The following SS18 variants were observed in gnomAD, a reference collection of about 807,000 sequenced individuals.
The protein encoded by SS18 is protein SSXT.
Under a neutral mutation model 72.5 loss-of-function variants are expected in SS18, and 28 were observed. That is an observed-to-expected ratio of 0.39 (90% CI 0.29 to 0.53). The LOEUF is 0.53. SS18 is among the 20% of genes least tolerant of loss of function. The pLI is 0.76. For missense variants in SS18, 518 were observed against 535.3 expected (o/e 0.97, Z 0.32); for synonymous variants, 172 against 164.2 (o/e 1.05, Z -0.37).
At chr18:26,082,559 G>A in intron 2 of SS18, 1 of 956,402 alleles carries the variant, frequency 1.0e-6, no homozygotes, top group Non-Finnish European at 1.2e-6. Context: ...AATGATTTAA[G>A]CAAACATAGG....
chr18:26,090,420 T>C, intron 1 of SS18, 81 bp downstream of exon 1: 2 of 1,433,780 alleles, frequency 1.4e-6, no homozygotes, highest in South Asian at 1.2e-5. Flanking sequence ...CCCGGTCGAC[T>C]CCGGGCCCGG....
rs957107706 is a variant in SS18 at position 26,030,084 on chromosome 18, A to G, written c.1230+2315T>C. On this transcript the variant is annotated intron_variant, in intron 10 of 10. Transcript: ENST00000415083. ...AAATCATGTATCTATCATAGCTACC[A>G]AGTGCTAGCCACTGCTACACACTTT... Among the ~76,000 whole-genome samples, 3 of 152,294 alleles carry G rather than the reference A, an allele frequency of 2.0e-5. No homozygotes were observed. The South Asian group carries it at 6.2e-4, about 32-fold the overall frequency.
chr18:26,034,948 T>G, intron 9 of SS18, 57 bp downstream of exon 9: 2 of 1,572,832 alleles, frequency 1.3e-6, no homozygotes, highest in Non-Finnish European at 1.7e-6. Flanking sequence ...CACTTCCATA[T>G]TTTAAAACAA....
rs866465261 is a variant in SS18 at position 26,017,608 on chromosome 18, A to G, written c.*746T>C. 60 of 204,128 alleles carry G rather than the reference A, an allele frequency of 2.9e-4. No homozygotes were observed. Among genetic ancestry groups the G allele is most frequent in the Admixed American group, 2.2e-3 (37 of 16,776 alleles). The allele number at this position is 204,128 out of a possible 1,614,324, so 12.6% of individuals were successfully genotyped here. On this transcript the variant is annotated 3_prime_UTR_variant, in exon 11 of 11. Transcript: ENST00000415083. ...AGTAATTCTTATTGCCTCACATTTT[A>G]AAACAGTATTATAAATGATCTTTAT...
upstream of SS18, chr18:26,090,942 C>G (rs562454725): frequency 6.3e-6 from 2 of 316,564 alleles, no homozygotes; most frequent in East Asian, 1.5e-4. Context: ...TGGGGCAGCC[C>G]CTGTCACAGG....
intron 10 of SS18, chr18:26,023,521 G>A: frequency 6.8e-6 from 3 of 440,512 alleles, no homozygotes; most frequent in Non-Finnish European, 8.5e-6. Context: ...AACTACAAAA[G>A]AACAAAGATA....
intron 2 of SS18, among the ~76,000 whole-genome samples, chr18:26,078,553 G>GT (rs967297116): frequency 7.2e-5 from 11 of 152,184 alleles, no homozygotes; most frequent in Admixed American, 3.3e-4. Flanking sequence ...AGTACACTGA[G>GT]TTTTTTTAAA....
intron 5 of SS18, among the ~76,000 whole-genome samples, chr18:26,042,399 T>C (rs1014643001): frequency 3.9e-5 from 6 of 152,162 alleles, no homozygotes; most frequent in African/African-American, 1.4e-4. Flanking sequence ...CCTACTGATG[T>C]CTTAATTACC....
In SS18 at chr18:26,035,720, G is replaced by A. The variant is rs998159193; in HGVS notation, c.973+111C>T. The A allele has an allele frequency of 3.5e-6, 2 of 571,974 alleles. No individual in the cohort carries two copies. The highest frequency in any genetic ancestry group is 2.8e-6 in the Non-Finnish European group (1 of 354,346). The allele number at this position is 571,974 out of a possible 1,614,324, so 35.4% of individuals were successfully genotyped here. ...CTCCCTGCAACTTTCAAGAAAGCCA[G>A]CAACTAGTATTCTACAAGAGCTTTG... On this transcript the variant is annotated intron_variant, in intron 8 of 10. Transcript: ENST00000415083. This position sits in a 1 kb window ranked among gnomAD's most constrained non-coding sequence, Gnocchi z 4.4.
chr18:26,034,079 T>A (rs936871183), intron 9 of SS18, among the ~76,000 whole-genome samples: 1 of 152,150 alleles, frequency 6.6e-6, no homozygotes, highest in Non-Finnish European at 1.5e-5. Flanking sequence ...TTGACATTTT[T>A]AGAAAAATAC....
intron 10 of SS18, among the ~76,000 whole-genome samples, chr18:26,021,959 T>C (rs534334188): frequency 6.6e-6 from 1 of 152,192 alleles, no homozygotes; most frequent in Non-Finnish European, 1.5e-5. Context: ...GTCAACAGCA[T>C]GGTGAACTGA....
At position 26,052,892 on chromosome 18, in the gene SS18, G is replaced by C. The variant is rs757176190; in HGVS notation, c.386-47C>G. 4 of 1,525,780 alleles carry C rather than the reference G, an allele frequency of 2.6e-6. No individual in the cohort carries two copies. The Admixed American group carries it at 6.9e-5, about 26-fold the overall frequency. 94.5% of individuals were successfully genotyped at this position (1,525,780 alleles called of 1,614,324 possible). A position where few individuals can be genotyped will look rare whatever the true frequency, so the allele number is the denominator to read the frequency against. On this transcript the variant is annotated intron_variant, in intron 4 of 10. Coordinates refer to ENST00000415083, the MANE Select transcript of SS18 (RefSeq NM_001007559.3). The stretch of plus-strand genomic sequence containing the variant: ...AGCAAAATATGAAAGTTAAACAGAT[G>C]GTCCATACAAAAGTACCTGGAAATA...
intron 3 of SS18, among the ~76,000 whole-genome samples, chr18:26,072,057 A>C (rs2054319319): frequency 6.6e-6 from 1 of 152,152 alleles, no homozygotes. Context: ...GATCTAATGA[A>C]CACTGACTTC....
chr18:26,047,720 G>A (rs1053941432), intron 5 of SS18, among the ~76,000 whole-genome samples: 12 of 152,130 alleles, frequency 7.9e-5, no homozygotes, highest in East Asian at 1.9e-4. Flanking sequence ...GCGGGCACCT[G>A]TAGTCCCAGC....
In SS18 at chr18:26,039,402, C is replaced by A. The variant is rs376948013; in HGVS notation, c.662G>T (p.Gly221Val). The change falls in exon 6 of 11, where the codon GGC becomes GTC. Residue 221 changes from glycine (G) to valine (V), a missense_variant. Coordinates refer to ENST00000415083, the MANE Select transcript of SS18 (RefSeq NM_001007559.3). ...PSQQYNMPQG[G>V]GQHYQGQQPP... is the part of the protein sequence containing the mutation. ...CTGCTGTCCTTGGTAATGCTGTCCG[C>A]CTCCCTGTGGCATATTGTATTGCTG... 1.2e-6 allele frequency: 2 copies of A among 1,613,628 alleles called. No homozygotes were observed. The highest frequency in any genetic ancestry group is 2.7e-5 in the African/African-American group (2 of 74,854).
intron 4 of SS18, among the ~76,000 whole-genome samples, chr18:26,054,674 CT>C (rs1178320090): frequency 6.7e-6 from 1 of 149,398 alleles, no homozygotes; most frequent in Non-Finnish European, 1.5e-5. Context: ...ATCATTTGTA[CT>C]TTAAAAAAAA....
At chr18:26,061,288 G>C (rs958101998) in intron 3 of SS18, among the ~76,000 whole-genome samples, 3 of 152,174 alleles carry the variant, frequency 2.0e-5, no homozygotes, top group African/African-American at 7.2e-5. Flanking sequence ...ACTCCAGCCT[G>C]GGCCACAGAG....
At chr18:26,081,371 A>G (rs1045244634) in intron 2 of SS18, 1 of 152,110 alleles carries the variant, frequency 6.6e-6, no homozygotes, top group African/African-American at 2.4e-5. Context: ...TTGTACTTTT[A>G]GTAGAGATGG....
In SS18 at chr18:26,035,201, T is replaced by C. The variant is rs745316928; in HGVS notation, c.974-74A>G. 9.9e-5 allele frequency: 149 copies of C among 1,512,558 alleles called. No homozygotes were observed. Among genetic ancestry groups the C allele is most frequent in the Non-Finnish European group, 1.2e-4 (131 of 1,111,576 alleles). The allele number at this position is 1,512,558 out of a possible 1,614,324, so 93.7% of individuals were successfully genotyped here. ...GTAACTTTTTTCCCTCTAAGATGCA[T>C]AGCCAACAACACAAGAACAAAATGA... On this transcript the variant is annotated intron_variant, in intron 8 of 10. Coordinates refer to ENST00000415083, the MANE Select transcript of SS18 (RefSeq NM_001007559.3). This position sits in a 1 kb window ranked among gnomAD's most constrained non-coding sequence, Gnocchi z 4.4.
Sources: gnomAD v4.1 joint callset for allele counts (sites outside exome capture counted in the v4.1 genomes callset) on GRCh38, gnomAD v4.1.1 for gene constraint, Gnocchi (gnomAD v3.1) non-coding constraint, MANE v1.5 for transcripts, NCBI Gene and HGNC (gene_info 2026-07-23, HGNC 2026-07-21) for gene names.